The following AKAP19 variants were observed in gnomAD, a reference collection of about 807,000 sequenced individuals.
AKAP19 encodes small A-kinase anchoring protein.
At chr2:190,176,811 G>A in the AKAP19 span, among the ~76,000 whole-genome samples, 1,232 of 152,314 alleles carry the variant, frequency 8.1e-3, 68 homozygotes, top group Admixed American at 0.072. The surrounding 1 kb of genome is among the most constrained non-coding windows in gnomAD (Gnocchi z 4.7). Flanking sequence ...AAATGTGTCT[G>A]TTGCCTACTC....
chr2:190,054,261 TG>T, the AKAP19 span, among the ~76,000 whole-genome samples: 33 of 152,082 alleles, frequency 2.2e-4, no homozygotes, highest in Non-Finnish European at 4.1e-4. Flanking sequence ...ATTTAATAAA[TG>T]GTGCTGGGAA....
At chr2:189,939,213 C>A in the AKAP19 span, among the ~76,000 whole-genome samples, 1 of 152,332 alleles carries the variant, frequency 6.6e-6, no homozygotes, top group South Asian at 2.1e-4. Context: ...TGTGGCCTTT[C>A]AGTGGCACCA....
the AKAP19 span, among the ~76,000 whole-genome samples, chr2:189,953,781 GT>G: frequency 1.3e-5 from 2 of 152,046 alleles, no homozygotes; most frequent in Non-Finnish European, 2.9e-5. Context: ...CGTAAGTTAA[GT>G]GATTTTCCCA....
chr2:190,167,703 G>A, the AKAP19 span, among the ~76,000 whole-genome samples: 2,249 of 152,310 alleles, frequency 0.015, 55 homozygotes, highest in African/African-American at 0.051. Context: ...AATCCAGCGG[G>A]GCAGTCAAAT....
At chr2:189,998,707 A>C in the AKAP19 span, among the ~76,000 whole-genome samples, 3 of 148,284 alleles carry the variant, frequency 2.0e-5, no homozygotes, top group Admixed American at 1.3e-4. Context: ...TACTTCAATA[A>C]TTTTATTTAT....
the AKAP19 span, among the ~76,000 whole-genome samples, chr2:190,135,096 T>C: frequency 2.6e-5 from 4 of 152,164 alleles, no homozygotes; most frequent in Admixed American, 6.5e-5. Context: ...ATGTTAGTAT[T>C]TGGATTACTA....
the AKAP19 span, chr2:190,057,136 A>G: frequency 2.0e-6 from 2 of 1,014,758 alleles, no homozygotes; most frequent in Non-Finnish European, 3.0e-6. Context: ...ACTGTAGCTT[A>G]TGCTTAAGTG....
the AKAP19 span, among the ~76,000 whole-genome samples, chr2:189,908,247 G>A: frequency 1.3e-5 from 2 of 148,818 alleles, no homozygotes; most frequent in African/African-American, 5.0e-5. Context: ...AGGCTGGAGT[G>A]CAGTGGCATG....
chr2:190,006,569 G>A, the AKAP19 span, among the ~76,000 whole-genome samples: 1 of 150,872 alleles, frequency 6.6e-6, no homozygotes, highest in African/African-American at 2.4e-5. Flanking sequence ...AACCCAGGAG[G>A]CAGAGCTTGC....
chr2:190,009,705 C>A, the AKAP19 span, among the ~76,000 whole-genome samples: 16 of 151,990 alleles, frequency 1.1e-4, no homozygotes, highest in African/African-American at 3.6e-4. Flanking sequence ...AATTTGGGAG[C>A]CTTCGTCATA....
the AKAP19 span, among the ~76,000 whole-genome samples, chr2:189,960,887 A>G: frequency 6.6e-6 from 1 of 152,174 alleles, no homozygotes; most frequent in Admixed American, 6.5e-5. Context: ...AATCAATTAA[A>G]AGAGACTATT....
the AKAP19 span, among the ~76,000 whole-genome samples, chr2:189,979,156 G>A: frequency 6.6e-6 from 1 of 151,940 alleles, no homozygotes; most frequent in Admixed American, 6.6e-5. Flanking sequence ...AAAGCTGGAG[G>A]CATCATATTA....
chr2:190,030,514 G>T, the AKAP19 span, among the ~76,000 whole-genome samples: 1 of 152,134 alleles, frequency 6.6e-6, no homozygotes, highest in African/African-American at 2.4e-5. Flanking sequence ...CACCTCATGG[G>T]AGGACTCATC....
chr2:190,191,783 A>G, the AKAP19 span, among the ~76,000 whole-genome samples: 1 of 152,208 alleles, frequency 6.6e-6, no homozygotes, highest in Non-Finnish European at 1.5e-5. Flanking sequence ...AACTGCCTAA[A>G]TCTTTCAAAT....
chr2:189,917,225 T>A, the AKAP19 span: 8 of 1,042,728 alleles, frequency 7.7e-6, no homozygotes, highest in Non-Finnish European at 1.1e-5. Context: ...AATACTTAAC[T>A]GTCCTTTCAT....
At chr2:190,082,225 C>A in the AKAP19 span, among the ~76,000 whole-genome samples, 1 of 152,340 alleles carries the variant, frequency 6.6e-6, no homozygotes, top group East Asian at 1.9e-4. Flanking sequence ...GCATATGTTT[C>A]TCCTTTCATA....
the AKAP19 span, among the ~76,000 whole-genome samples, chr2:190,036,931 C>T: frequency 6.6e-6 from 1 of 152,140 alleles, no homozygotes; most frequent in East Asian, 1.9e-4. Context: ...ATGCTACTAA[C>T]CAAATTTTGG....
chr2:190,100,585 A>C, the AKAP19 span, among the ~76,000 whole-genome samples: 1 of 152,362 alleles, frequency 6.6e-6, no homozygotes, highest in East Asian at 1.9e-4. Context: ...AAGGCTTAAA[A>C]AAGTAGAATA....
the AKAP19 span, among the ~76,000 whole-genome samples, chr2:190,074,661 AAAGAG>A: frequency 1.3e-5 from 2 of 150,828 alleles, no homozygotes; most frequent in African/African-American, 2.5e-5. Flanking sequence ...CAAAAAAAAA[AAAGAG>A]AGAAAAGGAG....
Sources: allele counts gnomAD v4.1 joint callset (sites outside exome capture counted in the v4.1 genomes callset), GRCh38; gene constraint gnomAD v4.1.1; non-coding constraint Gnocchi (gnomAD v3.1); transcripts MANE v1.5; gene names NCBI Gene and HGNC (gene_info 2026-07-23, HGNC 2026-07-21).